Variants in NEURL1B observed in about 807,000 individuals in gnomAD.
NEURL1B encodes neuralized E3 ubiquitin protein ligase 1B, also known as E3 ubiquitin-protein ligase NEURL1B.
Under a neutral mutation model 37.4 loss-of-function variants are expected in NEURL1B, and 13 were observed. The observed-to-expected ratio is 0.35, with a 90% CI of 0.23 to 0.55. The LOEUF is 0.55. Among genes scored for constraint, NEURL1B ranks in the 20% least tolerant of loss-of-function variants. NEURL1B has a pLI of 0.89. For synonymous variants in NEURL1B, 432 were observed against 426.6 expected (o/e 1.01, Z -0.16); for missense variants, 790 against 879.2 (o/e 0.90, Z 1.28).
At chr5:172,660,851 G>A (rs553249054) in intron 1 of NEURL1B, among the ~76,000 whole-genome samples, 3 of 152,156 alleles carry the variant, frequency 2.0e-5, no homozygotes, top group Admixed American at 6.5e-5. Context: ...TGTTGGTCTC[G>A]AACTCCTGAC....
intron 2 of NEURL1B, among the ~76,000 whole-genome samples, chr5:172,679,944 C>T (rs1211815116): frequency 2.6e-5 from 4 of 152,148 alleles, no homozygotes; most frequent in African/African-American, 9.7e-5. Context: ...TGACACTTCC[C>T]CACATAGGAC....
chr5:172,645,098 G>A (rs1561639557), intron 1 of NEURL1B, among the ~76,000 whole-genome samples: 1 of 152,234 alleles, frequency 6.6e-6, no homozygotes, highest in Non-Finnish European at 1.5e-5. Flanking sequence ...AGTGAGGAAA[G>A]TGTGTTGATC....
chr5:172,654,746 G>A (rs568625622), intron 1 of NEURL1B, among the ~76,000 whole-genome samples: 1 of 152,120 alleles, frequency 6.6e-6, no homozygotes, highest in African/African-American at 2.4e-5. Flanking sequence ...TTTTTGATAG[G>A]AAGGCTATGG....
At position 172,666,169 on chromosome 5, in the gene NEURL1B, A is replaced by G. The variant is rs182640200; in HGVS notation, c.32-3616A>G. Among the ~76,000 whole-genome samples the G allele has an allele frequency of 1.8e-3, 273 of 148,040 alleles. 2 individuals carry two copies. Among genetic ancestry groups the G allele is most frequent in the African/African-American group, 6.9e-3 (261 of 37,866 alleles). On this transcript the variant is annotated intron_variant, in intron 1 of 4. Coordinates refer to ENST00000369800, the MANE Select transcript of NEURL1B (RefSeq NM_001142651.3). ...CAGAGAGACTATGGTAAAATGGTAA[A>G]AAACAAACAACAACCACCACCACCA...
In NEURL1B at chr5:172,675,062, G is replaced by T. The variant is rs932164860; in HGVS notation, c.577+4732G>T. On this transcript the variant is annotated intron_variant, in intron 2 of 4. Coordinates refer to ENST00000369800, the MANE Select transcript of NEURL1B (RefSeq NM_001142651.3). This position sits in a 1 kb window ranked among gnomAD's most constrained non-coding sequence, Gnocchi z 4.7. ...TTTTTGTATTTTTAGTAAAGATGGG[G>T]TTTCTACTGGGTACCTGTTGGTCAG... 1.3e-5 allele frequency among the ~76,000 whole-genome samples: 2 copies of T among 152,096 alleles called. No individual in the cohort carries two copies. Among genetic ancestry groups the T allele is most frequent in the East Asian group, 3.9e-4 (2 of 5,186 alleles).
At chr5:172,681,627 C>T (rs1375307898) in intron 2 of NEURL1B, among the ~76,000 whole-genome samples, 2 of 152,204 alleles carry the variant, frequency 1.3e-5, no homozygotes, top group Non-Finnish European at 2.9e-5. Context: ...CCATTGTGGC[C>T]AGGGCAGAAT....
rs1193690088 is a variant in NEURL1B at position 172,676,434 on chromosome 5, T to TA, written c.577+6105dup. On this transcript the variant is annotated intron_variant, in intron 2 of 4. Transcript: ENST00000369800. The surrounding 1 kb of genome is among the most constrained non-coding windows in gnomAD (Gnocchi z 4.5). ...TTCCTAGAAGTCTGCCTGTCATCTC[T>TA]AGATGTAGCCTCATGGATCTGGCCT... Among the ~76,000 whole-genome samples, 1 of 152,238 alleles carries TA rather than the reference T, an allele frequency of 6.6e-6. No individual in the cohort carries two copies. Among genetic ancestry groups the TA allele is most frequent in the Non-Finnish European group, 1.5e-5 (1 of 68,042 alleles).
At chr5:172,684,643 G>T (rs576318668) in intron 3 of NEURL1B, among the ~76,000 whole-genome samples, 1 of 152,328 alleles carries the variant, frequency 6.6e-6, no homozygotes, top group Non-Finnish European at 1.5e-5. Context: ...GTGGAATGGA[G>T]GCCTGAACCA....
chr5:172,686,399 C>G lies in NEURL1B; in HGVS notation c.1423+103C>G. The stretch of plus-strand genomic sequence containing the variant: ...GGGACTGAGCAGGGTGGCCGCCTTT[C>G]CCCCGCATCCTCTCCTTCCCTCAGC... On this transcript the variant is annotated intron_variant, in intron 4 of 4. Coordinates refer to ENST00000369800, the MANE Select transcript of NEURL1B (RefSeq NM_001142651.3). The surrounding 1 kb of genome is among the most constrained non-coding windows in gnomAD (Gnocchi z 7.9). 8.2e-7 allele frequency: 1 copy of G among 1,221,432 alleles called. No individual in the cohort carries two copies. The highest frequency in any genetic ancestry group is 1.1e-6 in the Non-Finnish European group (1 of 871,622). 75.7% of individuals were successfully genotyped at this position (1,221,432 alleles called of 1,614,324 possible).
At chr5:172,663,120 G>A (rs1226371785) in intron 1 of NEURL1B, among the ~76,000 whole-genome samples, 2 of 146,626 alleles carry the variant, frequency 1.4e-5, no homozygotes, top group East Asian at 2.0e-4. Flanking sequence ...AGGCTGAGGT[G>A]GGAGAATCAC....
At position 172,642,375 on chromosome 5, in the gene NEURL1B, A is replaced by C. The variant is rs1757481096; in HGVS notation, c.31+938A>C. Among the ~76,000 whole-genome samples the C allele has an allele frequency of 3.9e-5, 6 of 152,140 alleles. No individual in the cohort carries two copies. In the South Asian group the frequency reaches 1.2e-3, roughly 31 times the overall value. On this transcript the variant is annotated intron_variant, in intron 1 of 4. Transcript: ENST00000369800. The stretch of plus-strand genomic sequence containing the variant: ...TGCCCTCCCTCCCCTCACACGCCCA[A>C]GTATTTAGAAGTATTTTGTCTTAAG...
In NEURL1B at chr5:172,686,745, A is replaced by G. The variant is rs1168761049; in HGVS notation, c.1488A>G (p.Ala496=). ...CCGTGTTCTCCCCACCGGAGCCGGCAGGCATCAAGAATGGCGAGTGCACGG... is the reference window on the plus strand; with the variant it reads ...CCGTGTTCTCCCCACCGGAGCCGGCGGGCATCAAGAATGGCGAGTGCACGG... The part of the protein sequence containing the change: ...VSPVFSPPEP[A]GIKNGECTVC... Residue 496 remains alanine (A), a synonymous_variant, in exon 5 of 5, where the codon GCA becomes GCG. Coordinates refer to ENST00000369800, the MANE Select transcript of NEURL1B (RefSeq NM_001142651.3). The surrounding 1 kb of genome is among the most constrained non-coding windows in gnomAD (Gnocchi z 7.9). The G allele has an allele frequency of 6.4e-7, 1 of 1,551,524 alleles. No individual in the cohort carries two copies. Among genetic ancestry groups the G allele is most frequent in the South Asian group, 1.2e-5 (1 of 84,054 alleles).
At chr5:172,643,752 C>G (rs534272196) in intron 1 of NEURL1B, among the ~76,000 whole-genome samples, 1 of 152,200 alleles carries the variant, frequency 6.6e-6, no homozygotes, top group Non-Finnish European at 1.5e-5. Context: ...TGCTTTCGTT[C>G]TCAGGAAAAG....
chr5:172,654,759 T>G (rs1757734531), intron 1 of NEURL1B, among the ~76,000 whole-genome samples: 1 of 152,128 alleles, frequency 6.6e-6, no homozygotes, highest in Non-Finnish European at 1.5e-5. Context: ...GGCTATGGGT[T>G]GTCAGTGGCC....
chr5:172,653,124 C>T (rs1757700005), intron 1 of NEURL1B, among the ~76,000 whole-genome samples: 2 of 152,120 alleles, frequency 1.3e-5, no homozygotes, highest in Non-Finnish European at 2.9e-5. Flanking sequence ...GGTACATGTG[C>T]TAAAACACTT....
chr5:172,660,811 T>G (rs539645588), intron 1 of NEURL1B, among the ~76,000 whole-genome samples: 91 of 152,276 alleles, frequency 6.0e-4, no homozygotes, highest in Middle Eastern at 6.8e-3. Flanking sequence ...GACTAATGTT[T>G]GTATTTTTAG....
chr5:172,661,458 G>A lies in NEURL1B; in HGVS notation c.32-8327G>A, dbSNP rs1757901756. On this transcript the variant is annotated intron_variant, in intron 1 of 4. Transcript: ENST00000369800. This position sits in a 1 kb window ranked among gnomAD's most constrained non-coding sequence, Gnocchi z 4.0. ...GCCTTGAAGAAGGGGTGGGGTGGAAGAAAGGGCATGAGCCTGGTCCTCTCA... is the reference window on the plus strand; with the variant it reads ...GCCTTGAAGAAGGGGTGGGGTGGAAAAAAGGGCATGAGCCTGGTCCTCTCA... Among the ~76,000 whole-genome samples the A allele has an allele frequency of 6.6e-6, 1 of 152,252 alleles. No homozygotes were observed. Among genetic ancestry groups the A allele is most frequent in the Non-Finnish European group, 1.5e-5 (1 of 68,038 alleles).
intron 2 of NEURL1B, among the ~76,000 whole-genome samples, chr5:172,673,078 T>C (rs1033508684): frequency 2.6e-5 from 4 of 152,176 alleles, no homozygotes; most frequent in Non-Finnish European, 4.4e-5. Context: ...TACATCTGGG[T>C]AAAGGGATTA....
At chr5:172,677,053 T>G (rs1432839844) in intron 2 of NEURL1B, among the ~76,000 whole-genome samples, 1 of 145,696 alleles carries the variant, frequency 6.9e-6, no homozygotes, top group African/African-American at 2.6e-5. Context: ...GTGGCCACGG[T>G]GGGGGAGGGA....
Sources: allele counts gnomAD v4.1 joint callset (sites outside exome capture counted in the v4.1 genomes callset), GRCh38; gene constraint gnomAD v4.1.1; non-coding constraint Gnocchi (gnomAD v3.1); transcripts MANE v1.5; gene names NCBI Gene and HGNC (gene_info 2026-07-23, HGNC 2026-07-21).